Variants in FRMD1 observed in about 807,000 individuals in gnomAD.
FRMD1 encodes the protein FERM domain containing 1.
A neutral mutation model predicts 54.9 loss-of-function variants in FRMD1; 51 were observed. The ratio of observed to expected loss-of-function variants is 0.93; its 90% confidence interval spans 0.74 to 1.17. The LOEUF (loss-of-function observed/expected upper bound fraction) is 1.17, where lower values mean the gene tolerates loss of function less well. Ranked by LOEUF, FRMD1 falls within the 50% of genes most tolerant of loss-of-function variation. The pLI, the probability that FRMD1 is intolerant of heterozygous loss-of-function variation, is 0.00. For synonymous variants in FRMD1, 324 were observed against 306.4 expected (o/e 1.06, Z -0.60); for missense variants, 729 against 743.0 (o/e 0.98, Z 0.22).
At chr6:168,080,693 A>G (rs929070222), upstream of FRMD1, among the ~76,000 whole-genome samples, 15 of 152,170 alleles carry the variant, frequency 9.9e-5, no homozygotes, top group African/African-American at 3.4e-4. Flanking sequence ...CACACACAGC[A>G]CAGAGGGGAC....
upstream of FRMD1, among the ~76,000 whole-genome samples, chr6:168,084,851 G>C (rs761549745): frequency 3.9e-5 from 6 of 152,210 alleles, no homozygotes; most frequent in Non-Finnish European, 5.9e-5. Flanking sequence ...CCCATCACAG[G>C]GAGAGAGCAA....
Position 168,063,710 on chromosome 6 carries a change from G to A in FRMD1, c.695C>T (p.Thr232Ile), listed in dbSNP as rs776662658. 3.7e-6 allele frequency: 6 copies of A among 1,613,798 alleles called. No homozygotes were observed. In the Admixed American group the frequency reaches 5.0e-5, roughly 13 times the overall value. The change falls in exon 6 of 11, where the codon ACC becomes ATC. Residue 232 changes from threonine (T) to isoleucine (I), a missense_variant. By Grantham distance (89) the Thr-to-Ile change is moderately conservative. Transcript: ENST00000283309. Reference sequence around the variant, plus strand: ...CAGGCCCTGGCGCTCACGGTGCAGGGTAGGCATGTGCCGGAGGATGTAGTC... The same window carrying A: ...CAGGCCCTGGCGCTCACGGTGCAGGATAGGCATGTGCCGGAGGATGTAGTC... ...GIDYILRHMP[T>I]LHRERQGLSP...
upstream of FRMD1, among the ~76,000 whole-genome samples, chr6:168,082,659 T>C (rs967960655): frequency 6.6e-6 from 1 of 152,160 alleles, no homozygotes; most frequent in Non-Finnish European, 1.5e-5. Context: ...GCTCCAGGAT[T>C]CCCGAGACCC....
intron 4 of FRMD1, chr6:168,065,933 T>TCC: frequency 4.0e-6 from 4 of 1,000,256 alleles, no homozygotes; most frequent in Non-Finnish European, 4.8e-6. Flanking sequence ...AGTCTCAGGA[T>TCC]CCTCCTGAGG....
In FRMD1 at chr6:168,067,421, C is replaced by T; in HGVS notation, c.330G>A (p.Leu110=). The T allele has an allele frequency of 6.2e-7, 1 of 1,606,796 alleles. No homozygotes were observed. The highest frequency in any genetic ancestry group is 8.5e-7 in the Non-Finnish European group (1 of 1,175,812). Residue 110 remains leucine (L), a synonymous_variant, in exon 3 of 11, where the codon TTG becomes TTA. Coordinates refer to ENST00000283309, the MANE Select transcript of FRMD1 (RefSeq NM_024919.6). ...AGAAGTACTTGCTGAGCTTTTGCTCCAAATCCATAAATATATACTCATTGT... is the reference window on the plus strand; with the variant it reads ...AGAAGTACTTGCTGAGCTTTTGCTCTAAATCCATAAATATATACTCATTGT... ...VRNNEYIFMD[L]EQKLSKYFSK...
chr6:168,071,703 G>A (rs1265530657), intron 2 of FRMD1, among the ~76,000 whole-genome samples: 3 of 152,234 alleles, frequency 2.0e-5, no homozygotes, highest in African/African-American at 7.2e-5. Context: ...GGCAGGAGTC[G>A]GAAAGCCCTC....
upstream of FRMD1, among the ~76,000 whole-genome samples, chr6:168,079,818 C>A (rs79538866): frequency 7.9e-5 from 12 of 152,212 alleles, no homozygotes; most frequent in Non-Finnish European, 1.8e-4. Flanking sequence ...GGTGCATCAG[C>A]ACGAGGGGTG....
chr6:168,060,197 G>T (rs1273487414), intron 9 of FRMD1, among the ~76,000 whole-genome samples: 1 of 82,722 alleles, frequency 1.2e-5, no homozygotes, highest in Non-Finnish European at 2.4e-5. Flanking sequence ...TCCTGGAAGT[G>T]GGGGGCTTCC....
At chr6:168,060,027 G>GT (rs1038818285) in intron 9 of FRMD1, among the ~76,000 whole-genome samples, 7 of 146,296 alleles carry the variant, frequency 4.8e-5, no homozygotes, top group Admixed American at 3.4e-4. Context: ...AGGAGTGGGG[G>GT]GCTTCCTAGG....
At chr6:168,074,863 C>T (rs548332562) in intron 2 of FRMD1, among the ~76,000 whole-genome samples, 1 of 134,584 alleles carries the variant, frequency 7.4e-6, no homozygotes, top group South Asian at 2.7e-4. Context: ...GTGGTTTGTG[C>T]ATGTGTACAT....
intron 1 of FRMD1, 22 bp downstream of exon 1, chr6:168,078,842 AGCTCTGTTTACCCCCACG>A (rs1800732597): frequency 7.5e-7 from 1 of 1,338,532 alleles, no homozygotes; most frequent in Non-Finnish European, 9.7e-7. Context: ...TCACCCCCAC[AGCTCTGTTTACCCCCACG>A]GCCACCCAGG....
rs1318119608 is a variant in FRMD1 at position 168,053,814 on chromosome 6, C to T, written c.*3283G>A. The stretch of plus-strand genomic sequence containing the variant: ...TGGGAACCACCTCTCCTGTGAGATC[C>T]CAGACACACAGGCAGTTGCTGGCTG... On this transcript the variant is annotated 3_prime_UTR_variant, in exon 11 of 11. Transcript: ENST00000283309. 1.3e-5 allele frequency: 2 copies of T among 152,396 alleles called. No homozygotes were observed. Among genetic ancestry groups the T allele is most frequent in the East Asian group, 3.9e-4 (2 of 5,168 alleles). 9.4% of individuals were successfully genotyped at this position (152,396 alleles called of 1,614,324 possible). A position where few individuals can be genotyped will look rare whatever the true frequency, so the allele number is the denominator to read the frequency against.
intron 1 of FRMD1, among the ~76,000 whole-genome samples, chr6:168,091,150 C>A (rs994544954): frequency 6.6e-6 from 1 of 152,222 alleles, no homozygotes; most frequent in African/African-American, 2.4e-5. Flanking sequence ...ATAGCCCACA[C>A]CTTCTTCCTG....
At chr6:168,090,159 C>T (rs550163570) in intron 1 of FRMD1, among the ~76,000 whole-genome samples, 54 of 152,234 alleles carry the variant, frequency 3.5e-4, no homozygotes, top group African/African-American at 1.1e-3. Flanking sequence ...CCCTGGTTGG[C>T]TCGTCTCCCT....
At chr6:168,079,388 C>T (rs912551186), upstream of FRMD1, among the ~76,000 whole-genome samples, 2 of 152,218 alleles carry the variant, frequency 1.3e-5, no homozygotes, top group African/African-American at 2.4e-5. Flanking sequence ...GTGTGGGCCC[C>T]GTGAGAACCA....
At chr6:168,066,396 A>ACTAAGGC in intron 4 of FRMD1, 1 of 482,058 alleles carries the variant, frequency 2.1e-6, no homozygotes, top group South Asian at 7.3e-5. Context: ...TACTCTGGAG[A>ACTAAGGC]CTAAGGCAGA....
At chr6:168,081,111 C>T (rs554191548), upstream of FRMD1, among the ~76,000 whole-genome samples, 84 of 152,294 alleles carry the variant, frequency 5.5e-4, no homozygotes, top group African/African-American at 1.9e-3. Context: ...TGAAGGCCGC[C>T]GTCCATCTGA....
rs959394029 is a variant in FRMD1, at chr6:168,066,494, G to A, written c.461+261C>T. The A allele has an allele frequency of 4.8e-5, 56 of 1,160,248 alleles. 1 individual carries two copies. The highest frequency in any genetic ancestry group is 6.9e-4 in the Middle Eastern group (2 of 2,890). The allele number at this position is 1,160,248 out of a possible 1,614,324, so 71.9% of individuals were successfully genotyped here. A position where few individuals can be genotyped will look rare whatever the true frequency, so the allele number is the denominator to read the frequency against. ...GCCTGGGCGACAAGAGTGAAACTCCGTCTCAAAACAAAACAAAACAAAACA... is the reference window on the plus strand; with the variant it reads ...GCCTGGGCGACAAGAGTGAAACTCCATCTCAAAACAAAACAAAACAAAACA... On this transcript the variant is annotated intron_variant, in intron 4 of 10. Coordinates refer to ENST00000283309, the MANE Select transcript of FRMD1 (RefSeq NM_024919.6).
Position 168,055,702 on chromosome 6 carries a change from G to A in FRMD1, c.*1395C>T, listed in dbSNP as rs1799372072. On this transcript the variant is annotated 3_prime_UTR_variant, in exon 11 of 11. Transcript: ENST00000283309. ...TGCCCTCGGCAGCACTGGGGCTTGT[G>A]GCCATCTACAGAACGCAGCCTTCTG... 1 of 152,174 alleles carries A rather than the reference G, an allele frequency of 6.6e-6. No homozygotes were observed. Among genetic ancestry groups the A allele is most frequent in the African/African-American group, 2.4e-5 (1 of 41,452 alleles). The allele number at this position is 152,174 out of a possible 1,614,324, so 9.4% of individuals were successfully genotyped here.
Sources: gnomAD v4.1 joint callset for allele counts (sites outside exome capture counted in the v4.1 genomes callset) on GRCh38, gnomAD v4.1.1 for gene constraint, MANE v1.5 for transcripts, NCBI Gene and HGNC (gene_info 2026-07-23, HGNC 2026-07-21) for gene names.